WWOX: variants seen among roughly 807,000 people sequenced by gnomAD.
The protein encoded by WWOX is WW domain containing oxidoreductase.
A neutral mutation model predicts 46.2 loss-of-function variants in WWOX; 69 were observed. The ratio of observed to expected loss-of-function variants is 1.49; its 90% confidence interval spans 1.23 to 1.82. The LOEUF (loss-of-function observed/expected upper bound fraction) is 1.82. Among genes scored for constraint, WWOX ranks in the 40% most tolerant of loss-of-function variants. The probability of loss-of-function intolerance (pLI) is 0.00; values close to 1 mark genes in which losing one functional copy is unlikely to be tolerated. For missense variants in WWOX, 919 were observed against 542.6 expected, an observed-to-expected ratio of 1.69 and a Z score of -6.89; for synonymous variants, 359 against 202.6, an observed-to-expected ratio of 1.77 and a Z score of -6.56.
chr16:78,437,332 G>A (rs1270624632), intron 8 of WWOX, among the ~76,000 whole-genome samples: 1 of 152,136 alleles, frequency 6.6e-6, no homozygotes, highest in East Asian at 1.9e-4. Flanking sequence ...GAATATTGTT[G>A]CAGATCAGTA....
intron 8 of WWOX, chr16:78,691,378 T>G: frequency 1.5e-6 from 1 of 683,406 alleles, no homozygotes; most frequent in East Asian, 2.7e-5. Flanking sequence ...AAAGGAAATC[T>G]CCTAAGTTGG....
At chr16:78,155,484 A>T (rs1230910518) in intron 4 of WWOX, among the ~76,000 whole-genome samples, 2 of 152,334 alleles carry the variant, frequency 1.3e-5, no homozygotes, top group East Asian at 3.9e-4. Flanking sequence ...AAAACCCAAG[A>T]CAGTGAGCTA....
chr16:78,802,010 A>C (rs1178852972), intron 8 of WWOX, among the ~76,000 whole-genome samples: 1 of 152,128 alleles, frequency 6.6e-6, no homozygotes, highest in Non-Finnish European at 1.5e-5. Flanking sequence ...GAAAGGGCCT[A>C]TCCCAGAGGC....
chr16:78,794,893 C>CT (rs1230982441), intron 8 of WWOX, among the ~76,000 whole-genome samples: 2 of 152,204 alleles, frequency 1.3e-5, no homozygotes, highest in Non-Finnish European at 2.9e-5. Context: ...AAAGAAATGA[C>CT]TTGCCTTTTG....
intron 8 of WWOX, among the ~76,000 whole-genome samples, chr16:78,958,186 G>C (rs1015732351): frequency 6.6e-6 from 1 of 152,142 alleles, no homozygotes; most frequent in Non-Finnish European, 1.5e-5. Context: ...TTTTAAGACC[G>C]CCAGACTAGC....
chr16:79,201,554 C>CT (rs1228679168), intron 8 of WWOX, among the ~76,000 whole-genome samples: 1 of 152,112 alleles, frequency 6.6e-6, no homozygotes. Flanking sequence ...CCGAAGGAAA[C>CT]TGTCAATTAA....
chr16:78,944,145 A>G (rs1016535318), intron 8 of WWOX, among the ~76,000 whole-genome samples: 32 of 152,076 alleles, frequency 2.1e-4, no homozygotes, highest in Non-Finnish European at 4.0e-4. Flanking sequence ...CTATGATAAG[A>G]TTGTTGTTGA....
chr16:78,745,892 A>G (rs1043527178), intron 8 of WWOX, among the ~76,000 whole-genome samples: 7 of 152,188 alleles, frequency 4.6e-5, no homozygotes, highest in East Asian at 1.9e-4. Flanking sequence ...AATACTAGGA[A>G]CGTGTGCATG....
chr16:78,301,833 C>T (rs1447099612), intron 5 of WWOX, among the ~76,000 whole-genome samples: 1 of 152,094 alleles, frequency 6.6e-6, no homozygotes, highest in Admixed American at 6.5e-5. Flanking sequence ...AGGACTGAGC[C>T]TTTCTTCCAC....
intron 8 of WWOX, among the ~76,000 whole-genome samples, chr16:79,136,234 CTTT>C (rs1223038831): frequency 1.4e-5 from 2 of 142,328 alleles, no homozygotes; most frequent in Non-Finnish European, 1.6e-5. Flanking sequence ...GTCACTTCTT[CTTT>C]TTTTTTTTTT....
chr16:78,114,364 T>G (rs573019645), intron 3 of WWOX, among the ~76,000 whole-genome samples: 2 of 152,288 alleles, frequency 1.3e-5, no homozygotes, highest in African/African-American at 4.8e-5. Flanking sequence ...CCTCCCAAAT[T>G]GCCGAGATTA....
At chr16:78,618,791 T>C (rs985135887) in intron 8 of WWOX, among the ~76,000 whole-genome samples, 1 of 151,788 alleles carries the variant, frequency 6.6e-6, no homozygotes, top group African/African-American at 2.4e-5. Context: ...AGAAGGAAGC[T>C]TGGAGTCGCT....
chr16:79,195,022 C>G (rs1041999344), intron 8 of WWOX, among the ~76,000 whole-genome samples: 2 of 152,142 alleles, frequency 1.3e-5, no homozygotes, highest in East Asian at 3.9e-4. Flanking sequence ...GATTATATGC[C>G]TGTTCCATAT....
chr16:79,208,243 C>A (rs1255356437), intron 8 of WWOX, among the ~76,000 whole-genome samples: 1 of 152,198 alleles, frequency 6.6e-6, no homozygotes, highest in Non-Finnish European at 1.5e-5. Context: ...AAAGATTCTT[C>A]TGGGCTTCCC....
intron 8 of WWOX, among the ~76,000 whole-genome samples, chr16:78,533,639 C>G (rs955624073): frequency 1.3e-5 from 2 of 152,078 alleles, no homozygotes; most frequent in Non-Finnish European, 2.9e-5. Context: ...AGAGGCAGAC[C>G]TGTGATTATT....
At chr16:78,807,767 G>A (rs968343478) in intron 8 of WWOX, among the ~76,000 whole-genome samples, 7 of 152,212 alleles carry the variant, frequency 4.6e-5, no homozygotes. Flanking sequence ...AGAGCTGCTT[G>A]TTTGTCTGAT....
At chr16:79,032,068 A>T (rs868802461) in intron 8 of WWOX, among the ~76,000 whole-genome samples, 2 of 144,470 alleles carry the variant, frequency 1.4e-5, no homozygotes, top group African/African-American at 2.5e-5. Flanking sequence ...TAATATATAT[A>T]TTATATATAT....
intron 4 of WWOX, among the ~76,000 whole-genome samples, chr16:78,136,042 T>G (rs1193850387): frequency 6.6e-6 from 1 of 152,202 alleles, no homozygotes; most frequent in Non-Finnish European, 1.5e-5. Context: ...GATTTTCTTA[T>G]GGCTTTTTCA....
intron 8 of WWOX, among the ~76,000 whole-genome samples, chr16:78,558,651 G>C (rs2044361979): frequency 6.6e-6 from 1 of 152,198 alleles, no homozygotes; most frequent in South Asian, 2.1e-4. Context: ...TAGCTGTTGT[G>C]TTGGTTCTCA....
Sources: gnomAD v4.1 joint callset for allele counts (sites outside exome capture counted in the v4.1 genomes callset) on GRCh38, gnomAD v4.1.1 for gene constraint, MANE v1.5 for transcripts, NCBI Gene and HGNC (gene_info 2026-07-23, HGNC 2026-07-21) for gene names.